Variants in CNTN3 observed in about 807,000 individuals in gnomAD.
CNTN3 encodes contactin 3.
In CNTN3, 60 loss-of-function variants were observed where a neutral mutation model predicts 119.1. The observed-to-expected ratio is 0.50, with a 90% CI of 0.41 to 0.62. The LOEUF is 0.62. Ranked by LOEUF, CNTN3 falls within the 20% of genes least tolerant of loss-of-function variation. The pLI, the probability that CNTN3 is intolerant of heterozygous loss-of-function variation, is 0.00. For synonymous variants in CNTN3, 450 were observed against 438.7 expected, an observed-to-expected ratio of 1.03 and a Z score of -0.32; for missense variants, 1,101 against 1,242.4, an observed-to-expected ratio of 0.89 and a Z score of 1.71.
intron 13 of CNTN3, among the ~76,000 whole-genome samples, chr3:74,309,508 G>T (rs1459455297): frequency 1.3e-5 from 2 of 152,150 alleles, no homozygotes; most frequent in African/African-American, 4.8e-5. Flanking sequence ...AAACCCATTA[G>T]TTCTCAGTGC....
chr3:74,460,386 A>G (rs1702342850), intron 4 of CNTN3, among the ~76,000 whole-genome samples: 1 of 151,950 alleles, frequency 6.6e-6, no homozygotes, highest in Non-Finnish European at 1.5e-5. Flanking sequence ...TAACATATTT[A>G]CTGTATTGAA....
intron 4 of CNTN3, among the ~76,000 whole-genome samples, chr3:74,481,030 T>C (rs1458247303): frequency 6.6e-6 from 1 of 151,914 alleles, no homozygotes; most frequent in East Asian, 1.9e-4. Context: ...TATTACCATA[T>C]AAACTAGAAG....
intron 4 of CNTN3, among the ~76,000 whole-genome samples, chr3:74,444,048 T>C (rs9852765): frequency 0.038 from 5,857 of 152,200 alleles, 376 homozygotes; most frequent in African/African-American, 0.13. Flanking sequence ...AACTTTGGTG[T>C]TCCTTGACTT....
chr3:74,445,339 T>C (rs1400918090), intron 4 of CNTN3, among the ~76,000 whole-genome samples: 3 of 152,122 alleles, frequency 2.0e-5, no homozygotes, highest in African/African-American at 7.2e-5. Flanking sequence ...CTCCGCCCAC[T>C]GCAACCTCCA....
intron 1 of CNTN3, among the ~76,000 whole-genome samples, chr3:74,543,633 G>T (rs748173629): frequency 1.3e-5 from 2 of 152,086 alleles, no homozygotes; most frequent in Non-Finnish European, 2.9e-5. Flanking sequence ...TTTACTTGCA[G>T]ATTTCACATT....
chr3:74,424,769 C>T, intron 5 of CNTN3, 76 bp downstream of exon 5: 1 of 1,169,380 alleles, frequency 8.6e-7, no homozygotes, highest in Non-Finnish European at 1.3e-6. Context: ...TTTACAGATG[C>T]AATAACAGTA....
intron 4 of CNTN3, among the ~76,000 whole-genome samples, chr3:74,466,284 T>A (rs1003507321): frequency 6.6e-6 from 1 of 152,286 alleles, no homozygotes; most frequent in African/African-American, 2.4e-5. Context: ...TGCTGGACAC[T>A]TTCTTGCACA....
intron 5 of CNTN3, among the ~76,000 whole-genome samples, chr3:74,381,081 C>T (rs1162774885): frequency 2.7e-5 from 4 of 150,358 alleles, no homozygotes; most frequent in African/African-American, 9.8e-5. Flanking sequence ...CTCTCTCTCT[C>T]TCTCTCACAC....
chr3:74,528,049 A>G (rs1703644241), intron 1 of CNTN3, among the ~76,000 whole-genome samples: 1 of 151,928 alleles, frequency 6.6e-6, no homozygotes, highest in Non-Finnish European at 1.5e-5. Context: ...CTTACTACAT[A>G]TAATAATGAA....
chr3:74,347,711 G>T (rs534916604), intron 11 of CNTN3, among the ~76,000 whole-genome samples: 16 of 152,286 alleles, frequency 1.1e-4, no homozygotes, highest in Non-Finnish European at 2.2e-4. Flanking sequence ...CCTTACACAT[G>T]GCAGAGCACG....
chr3:74,583,496 G>C (rs1045099403), intron 1 of CNTN3, among the ~76,000 whole-genome samples: 3 of 152,102 alleles, frequency 2.0e-5, no homozygotes, highest in Admixed American at 6.6e-5. Flanking sequence ...CCATTTACAT[G>C]AAGTGTGAGA....
chr3:74,284,763 A>C lies in CNTN3; in HGVS notation c.2704+542T>G, dbSNP rs369056509. Among the ~76,000 whole-genome samples the C allele has an allele frequency of 1.8e-4, 27 of 152,350 alleles. No homozygotes were observed. The South Asian group carries it at 5.6e-3, about 32-fold the overall frequency. On this transcript the variant is annotated intron_variant, in intron 20 of 22. Coordinates refer to ENST00000263665, the MANE Select transcript of CNTN3 (RefSeq NM_020872.3). ...AGCTGGCGAATTTACCTGTGAATAC[A>C]CAGCTAACAAAAACTCAGCTTTGAA...
intron 5 of CNTN3, among the ~76,000 whole-genome samples, chr3:74,381,766 C>G (rs900399993): frequency 6.6e-6 from 1 of 151,990 alleles, no homozygotes; most frequent in Non-Finnish European, 1.5e-5. Context: ...ATTGCAACAG[C>G]CTTTATGCAA....
At chr3:74,340,743 A>T (rs970612391) in intron 11 of CNTN3, among the ~76,000 whole-genome samples, 3 of 152,176 alleles carry the variant, frequency 2.0e-5, no homozygotes, top group Non-Finnish European at 4.4e-5. Context: ...GGGAAGCTTC[A>T]AGAAGCTGGG....
intron 19 of CNTN3, among the ~76,000 whole-genome samples, chr3:74,291,753 A>G (rs1464539064): frequency 6.6e-6 from 1 of 152,180 alleles, no homozygotes; most frequent in East Asian, 1.9e-4. Flanking sequence ...TGGGAGATTC[A>G]GCCACAGTCA....
chr3:74,332,599 C>T (rs1703291373), intron 13 of CNTN3, among the ~76,000 whole-genome samples: 1 of 152,200 alleles, frequency 6.6e-6, no homozygotes, highest in African/African-American at 2.4e-5. Context: ...CAATCTGGCT[C>T]AGTCTTAGTG....
At chr3:74,421,582 T>C (rs1282211079) in intron 5 of CNTN3, among the ~76,000 whole-genome samples, 1 of 151,856 alleles carries the variant, frequency 6.6e-6, no homozygotes, top group Non-Finnish European at 1.5e-5. Context: ...ATCAGAAAAA[T>C]AACAAATTTA....
intron 4 of CNTN3, among the ~76,000 whole-genome samples, chr3:74,477,866 A>C (rs540604970): frequency 6.6e-5 from 10 of 152,218 alleles, no homozygotes; most frequent in South Asian, 2.1e-4. Context: ...TTAAAAAAAA[A>C]CACAGATCTC....
At chr3:74,297,354 T>C (rs1326679078) in intron 18 of CNTN3, among the ~76,000 whole-genome samples, 1 of 151,448 alleles carries the variant, frequency 6.6e-6, no homozygotes, top group Non-Finnish European at 1.5e-5. Context: ...TGGGATTTAT[T>C]TTATCAAGGT....
Sources: allele counts gnomAD v4.1 joint callset (sites outside exome capture counted in the v4.1 genomes callset), GRCh38; gene constraint gnomAD v4.1.1; transcripts MANE v1.5; gene names NCBI Gene and HGNC (gene_info 2026-07-23, HGNC 2026-07-21).